Variants in APBB2 observed in about 807,000 individuals in gnomAD.
APBB2 encodes amyloid beta precursor protein binding family B member 2, also known as Fe65-like 1.
In APBB2, 38 loss-of-function variants were observed where a neutral mutation model predicts 82.5. The ratio of observed to expected loss-of-function variants is 0.46; its 90% CI spans 0.36 to 0.60. The LOEUF is 0.60. Among genes scored for constraint, APBB2 ranks in the 20% least tolerant of loss-of-function variants. APBB2 has a pLI of 0.00. For missense variants in APBB2, 772 were observed against 972.3 expected (o/e 0.79, Z 2.74); for synonymous variants, 341 against 368.2 (o/e 0.93, Z 0.85).
intron 6 of APBB2, among the ~76,000 whole-genome samples, chr4:40,958,709 G>A (rs1422873880): frequency 1.3e-5 from 2 of 152,134 alleles, no homozygotes; most frequent in African/African-American, 2.4e-5. Context: ...GGGCTCAAGC[G>A]ATTCTCCTGT....
chr4:40,842,088 G>A (rs1309046077), intron 12 of APBB2, among the ~76,000 whole-genome samples: 1 of 152,180 alleles, frequency 6.6e-6, no homozygotes, highest in Admixed American at 6.5e-5. Flanking sequence ...TTTCTCAGTC[G>A]TTAGTGAGTG....
chr4:41,124,217 TTTTA>T (rs1479975167), intron 2 of APBB2, among the ~76,000 whole-genome samples: 1 of 152,210 alleles, frequency 6.6e-6, no homozygotes, highest in African/African-American at 2.4e-5. Context: ...ATTTATTTTA[TTTTA>T]TTTATTTTAT....
Position 41,014,328 on chromosome 4 carries a change from G to A in APBB2, c.90C>T (p.Asn30=). ...GGGTGTTTGGTGGTGTGGCTGGGCTGTTCCGATTTGTGACGTCTGTAGTTC... is the reference window on the plus strand; with the variant it reads ...GGGTGTTTGGTGGTGTGGCTGGGCTATTCCGATTTGTGACGTCTGTAGTTC... ...SSGTTDVTNR[N]SPATPPNTLN... The change falls in exon 6 of 18, where the codon AAC becomes AAT. Residue 30 remains asparagine, a synonymous_variant. Coordinates refer to ENST00000508593, the MANE Select transcript of APBB2 (RefSeq NM_004307.2). 3 of 1,614,094 alleles carry A rather than the reference G, an allele frequency of 1.9e-6. No homozygotes were observed. The highest frequency in any genetic ancestry group is 1.1e-5 in the South Asian group (1 of 91,084).
chr4:41,034,479 C>G (rs1718357669), intron 4 of APBB2, among the ~76,000 whole-genome samples: 1 of 152,112 alleles, frequency 6.6e-6, no homozygotes, highest in South Asian at 2.1e-4. Flanking sequence ...CGCGCATCAC[C>G]ACGCCCAACT....
At chr4:40,867,484 A>G (rs997018032) in intron 12 of APBB2, among the ~76,000 whole-genome samples, 1 of 152,198 alleles carries the variant, frequency 6.6e-6, no homozygotes, top group Non-Finnish European at 1.5e-5. Flanking sequence ...GAACTCAATT[A>G]TAAGAGGTGA....
intron 4 of APBB2, among the ~76,000 whole-genome samples, chr4:41,034,289 G>GA (rs199976973): frequency 0.034 from 5,221 of 152,226 alleles, 130 homozygotes; most frequent in Middle Eastern, 0.071. Flanking sequence ...TAGGAAAAAT[G>GA]AAGTGGATCT....
intron 4 of APBB2, among the ~76,000 whole-genome samples, chr4:41,052,932 T>C (rs928837848): frequency 6.6e-5 from 10 of 152,010 alleles, no homozygotes; most frequent in African/African-American, 2.4e-4. Context: ...CTGGGCCAAT[T>C]TTTTATATTT....
intron 5 of APBB2, among the ~76,000 whole-genome samples, chr4:41,021,686 G>A (rs1711586434): frequency 6.6e-6 from 1 of 152,172 alleles, no homozygotes; most frequent in South Asian, 2.1e-4. Context: ...CCAAATAAGG[G>A]AATAAAAGCT....
chr4:41,008,482 C>T (rs1344277874), intron 6 of APBB2, among the ~76,000 whole-genome samples: 2 of 152,156 alleles, frequency 1.3e-5, no homozygotes, highest in Non-Finnish European at 2.9e-5. Flanking sequence ...AGCTCACTTG[C>T]CATATTCCAG....
chr4:41,143,472 A>C (rs1759799218), intron 1 of APBB2, among the ~76,000 whole-genome samples: 1 of 152,218 alleles, frequency 6.6e-6, no homozygotes, highest in Non-Finnish European at 1.5e-5. Flanking sequence ...CCCGTGGAAA[A>C]CCACAGGAAT....
intron 3 of APBB2, among the ~76,000 whole-genome samples, chr4:41,097,312 C>T (rs1304047811): frequency 2.6e-5 from 4 of 152,204 alleles, no homozygotes; most frequent in Non-Finnish European, 4.4e-5. Flanking sequence ...ACCCATGAGC[C>T]TCCTATTCAG....
intron 1 of APBB2, among the ~76,000 whole-genome samples, chr4:41,151,085 A>C (rs1298272030): frequency 1.3e-5 from 2 of 152,046 alleles, no homozygotes; most frequent in Admixed American, 1.3e-4. Context: ...TACTGCATCC[A>C]TGCTCAAGAG....
intron 1 of APBB2, among the ~76,000 whole-genome samples, chr4:41,146,348 A>T (rs6854521): frequency 1.5e-5 from 2 of 137,918 alleles, no homozygotes; most frequent in African/African-American, 5.4e-5. Flanking sequence ...AAAAAAAAAA[A>T]CCCGGGCATG....
intron 6 of APBB2, among the ~76,000 whole-genome samples, chr4:40,991,803 C>G (rs748139889): frequency 1.6e-4 from 25 of 152,074 alleles, no homozygotes; most frequent in Non-Finnish European, 3.1e-4. Flanking sequence ...AACCTTCAGA[C>G]CCCAGAGGGC....
At chr4:41,106,530 A>G (rs1407922917) in intron 2 of APBB2, among the ~76,000 whole-genome samples, 1 of 152,004 alleles carries the variant, frequency 6.6e-6, no homozygotes, top group African/African-American at 2.4e-5. Flanking sequence ...AGGCTGGAGT[A>G]CAGTGGCGCT....
At position 40,832,667 on chromosome 4, in the gene APBB2, G is replaced by GC. The variant is rs1476344873; in HGVS notation, c.1530-2091dup. Reference sequence around the variant, plus strand: ...GTGCTCAGGCCATCTCCATCCCCTTGCCAGGACTCAGCTGAAGATGGGTGA... The same window carrying GC: ...GTGCTCAGGCCATCTCCATCCCCTTGCCCAGGACTCAGCTGAAGATGGGTGA... On this transcript the variant is annotated intron_variant, in intron 12 of 17. Transcript: ENST00000508593. This position sits in a 1 kb window ranked among gnomAD's most constrained non-coding sequence, Gnocchi z 4.8. Among the ~76,000 whole-genome samples the GC allele has an allele frequency of 3.3e-5, 5 of 152,112 alleles. No homozygotes were observed. Among genetic ancestry groups the GC allele is most frequent in the Non-Finnish European group, 1.5e-5 (1 of 68,026 alleles).
rs114979476 is a variant in APBB2, at chr4:40,821,771, C to T, written c.2112+100G>A. The T allele has an allele frequency of 9.8e-4, 1,348 of 1,376,664 alleles. 7 individuals carry two copies. In the African/African-American group the frequency reaches 0.017, roughly 17 times the overall value. The allele number at this position is 1,376,664 out of a possible 1,614,324, so 85.3% of individuals were successfully genotyped here. On this transcript the variant is annotated intron_variant, in intron 17 of 17. Transcript: ENST00000508593. ...AAAGTAAAGCATTACTTTAGGGATT[C>T]GACTTTTTTCATTTCCGTGAGTGAT... is the stretch of plus-strand genomic sequence containing the variant.
chr4:41,051,225 T>C (rs112985330), intron 4 of APBB2, among the ~76,000 whole-genome samples: 7 of 152,278 alleles, frequency 4.6e-5, no homozygotes, highest in African/African-American at 1.4e-4. Context: ...CAAGCCACCA[T>C]AGAATTCTAA....
chr4:41,096,333 G>A lies in APBB2; in HGVS notation c.-149+4306C>T, dbSNP rs980788432. Among the ~76,000 whole-genome samples, 58 of 152,250 alleles carry A rather than the reference G, an allele frequency of 3.8e-4. 1 individual carries two copies. Among genetic ancestry groups the A allele is most frequent in the African/African-American group, 1.2e-3 (49 of 41,546 alleles). Reference sequence around the variant, plus strand: ...CAAGGTAGCAAGTTACTTTTCCCCCGAGTTTCAATAACGCCCACCCCTAGA... The same window carrying A: ...CAAGGTAGCAAGTTACTTTTCCCCCAAGTTTCAATAACGCCCACCCCTAGA... On this transcript the variant is annotated intron_variant, in intron 3 of 17. Coordinates refer to ENST00000508593, the MANE Select transcript of APBB2 (RefSeq NM_004307.2).
Sources: allele counts gnomAD v4.1 joint callset (sites outside exome capture counted in the v4.1 genomes callset), GRCh38; gene constraint gnomAD v4.1.1; non-coding constraint Gnocchi (gnomAD v3.1); transcripts MANE v1.5; gene names NCBI Gene and HGNC (gene_info 2026-07-23, HGNC 2026-07-21).